KAT14: variants seen among roughly 807,000 people sequenced by gnomAD.
The protein encoded by KAT14 is lysine acetyltransferase 14.
In KAT14, 66 loss-of-function variants were observed where a neutral mutation model predicts 78.4. That is an observed-to-expected ratio of 0.84 (90% CI 0.69 to 1.03). KAT14 has a LOEUF of 1.03. KAT14 is among the 50% of genes least tolerant of loss of function. The pLI is 0.00. For missense variants in KAT14, 870 were observed against 972.5 expected, an observed-to-expected ratio of 0.89 and a Z score of 1.40; for synonymous variants, 344 against 359.4, an observed-to-expected ratio of 0.96 and a Z score of 0.48.
At position 18,181,738 on chromosome 20, in the gene KAT14, G is replaced by A. The variant is rs760576992; in HGVS notation, c.1697G>A (p.Arg566Gln). The A allele has an allele frequency of 5.0e-6, 8 of 1,614,126 alleles. No individual in the cohort carries two copies. The highest frequency in any genetic ancestry group is 2.2e-5 in the South Asian group (2 of 91,076). Reference sequence around the variant, plus strand: ...TCCTTGCCGTCCAGGAAGGGATTTCGACACCAGACCACCAAGTTTTTGTAT... The same window carrying A: ...TCCTTGCCGTCCAGGAAGGGATTTCAACACCAGACCACCAAGTTTTTGTAT... Reference protein sequence around the residue: ...QTSLPSRKGFRHQTTKFLYRL... With the variant: ...QTSLPSRKGFQHQTTKFLYRL... Residue 566 changes from arginine (R) to glutamine (Q), a missense_variant, in exon 8 of 11, where the codon CGA becomes CAA. By Grantham distance (43) the Arg-to-Gln change is conservative (BLOSUM62 1). Transcript: ENST00000688188.
chr20:18,153,246 C>G (rs2038111648), intron 4 of KAT14, among the ~76,000 whole-genome samples: 2 of 152,070 alleles, frequency 1.3e-5, no homozygotes, highest in Non-Finnish European at 2.9e-5. Flanking sequence ...GGAGGGTGAC[C>G]TGCAGGCTGC....
rs767485031 is a variant in KAT14 at position 18,187,433 on chromosome 20, G to T, written c.2320G>T (p.Ala774Ser). 20 of 1,613,940 alleles carry T rather than the reference G, an allele frequency of 1.2e-5. No homozygotes were observed. The highest frequency in any genetic ancestry group is 2.2e-5 in the East Asian group (1 of 44,894). ...YPLESTECKHAFFLRLRR is the reference protein window; with the variant it reads ...YPLESTECKHSFFLRLRR ...ATTGGAGAGTACAGAGTGTAAACAC[G>T]CATTCTTTCTGAGGCTCCGGCGCTG... The change falls in exon 11 of 11, where the codon GCA becomes TCA. Residue 774 changes from alanine (A) to serine (S), a missense_variant. Ala to Ser is a moderately conservative substitution (Grantham distance 99). Coordinates refer to ENST00000688188, the MANE Select transcript of KAT14 (RefSeq NM_001392073.1).
chr20:18,183,992 T>C (rs1383538497), intron 9 of KAT14, among the ~76,000 whole-genome samples: 3 of 152,250 alleles, frequency 2.0e-5, no homozygotes, highest in Non-Finnish European at 4.4e-5. Context: ...TAACTGTGAA[T>C]GTGGTGGCAG....
In KAT14 at chr20:18,142,219, C is replaced by G; in HGVS notation, c.-442C>G. Reference sequence around the variant, plus strand: ...TCTTACGTTTTTAGAGGCTTCGTGACGGAGTTATCAGAGACATTGAGAGGC... The same window carrying G: ...TCTTACGTTTTTAGAGGCTTCGTGAGGGAGTTATCAGAGACATTGAGAGGC... On this transcript the variant is annotated 5_prime_UTR_variant, in exon 2 of 11. Transcript: ENST00000688188. 6.5e-7 allele frequency: 1 copy of G among 1,536,768 alleles called. No homozygotes were observed. Among genetic ancestry groups the G allele is most frequent in the Non-Finnish European group, 8.7e-7 (1 of 1,146,708 alleles).
At chr20:18,176,911 G>A (rs945122031) in intron 7 of KAT14, among the ~76,000 whole-genome samples, 1 of 152,176 alleles carries the variant, frequency 6.6e-6, no homozygotes, top group Non-Finnish European at 1.5e-5. Flanking sequence ...ACCAATGGGA[G>A]GCAGTTGATC....
intron 4 of KAT14, among the ~76,000 whole-genome samples, chr20:18,156,842 C>A (rs1036933892): frequency 6.6e-6 from 1 of 152,180 alleles, no homozygotes; most frequent in South Asian, 2.1e-4. Flanking sequence ...AACTTAATGA[C>A]CTCATGATCA....
rs1156303922 is a variant in KAT14 at position 18,145,084 on chromosome 20, CCCTT to C, written c.260-144_260-141del. 29 of 1,413,466 alleles carry C rather than the reference CCCTT, an allele frequency of 2.1e-5. No homozygotes were observed. In the African/African-American group the frequency reaches 3.2e-4, roughly 16 times the overall value. The allele number at this position is 1,413,466 out of a possible 1,614,324, so 87.6% of individuals were successfully genotyped here. On this transcript the variant is annotated intron_variant, in intron 2 of 10. Transcript: ENST00000688188. The stretch of plus-strand genomic sequence containing the variant: ...TAGAAGAATAGAAATCTTTCTAATT[CCCTT>C]CCTTTTCCCCATTTTGCAATTGTGG...
At chr20:18,186,302 A>G (rs768728411) in intron 10 of KAT14, among the ~76,000 whole-genome samples, 11 of 152,198 alleles carry the variant, frequency 7.2e-5, no homozygotes, top group Non-Finnish European at 1.3e-4. Context: ...AATGATGGCC[A>G]CGGTGAGATC....
Position 18,142,570 on chromosome 20 carries a change from T to C in KAT14, c.-91T>C, listed in dbSNP as rs986562623. On this transcript the variant is annotated 5_prime_UTR_variant, in exon 2 of 11. Coordinates refer to ENST00000688188, the MANE Select transcript of KAT14 (RefSeq NM_001392073.1). ...CAGACACTTTTTGGAAGAGTCTGTC[T>C]GGGTGATCCTGGTAGAAGCCCCATT... 8 of 1,557,428 alleles carry C rather than the reference T, an allele frequency of 5.1e-6. No homozygotes were observed. In the African/African-American group the frequency reaches 9.5e-5, roughly 18 times the overall value.
At chr20:18,167,788 TAAAG>T (rs971353672) in intron 7 of KAT14, among the ~76,000 whole-genome samples, 7 of 152,188 alleles carry the variant, frequency 4.6e-5, no homozygotes, top group African/African-American at 1.4e-4. Flanking sequence ...TTCTGTACCA[TAAAG>T]AAAGTTATAC....
intron 7 of KAT14, among the ~76,000 whole-genome samples, chr20:18,165,231 T>C (rs2038597859): frequency 6.6e-6 from 1 of 152,124 alleles, no homozygotes; most frequent in South Asian, 2.1e-4. Flanking sequence ...AAAAAAATAC[T>C]GAGTAGCAAG....
chr20:18,150,882 G>T lies in KAT14; in HGVS notation c.440G>T (p.Arg147Met). Residue 147 changes from arginine (R) to methionine (M), a missense_variant, in exon 4 of 11, where the codon AGG becomes ATG. Transcript: ENST00000688188. ...GGAAGTGGACGTCAAGGTTATTTCA[G>T]GTGGAAAGAAGATATCTGTGCTTTT... is the stretch of plus-strand genomic sequence containing the variant. Reference protein sequence around the residue: ...LEGSGRQGYFRWKEDICAFIE... With the variant: ...LEGSGRQGYFMWKEDICAFIE... The T allele has an allele frequency of 6.2e-7, 1 of 1,614,098 alleles. No homozygotes were observed. The highest frequency in any genetic ancestry group is 8.5e-7 in the Non-Finnish European group (1 of 1,180,018).
At chr20:18,184,463 CTA>C (rs2039380612) in intron 9 of KAT14, 137 bp from the exon 10 acceptor site, 1 of 783,038 alleles carries the variant, frequency 1.3e-6, no homozygotes, top group South Asian at 2.0e-5. Flanking sequence ...TGTGTGGTCT[CTA>C]TGTTACCTCC....
chr20:18,140,843 A>C (rs1432962034), intron 1 of KAT14, among the ~76,000 whole-genome samples: 2 of 145,972 alleles, frequency 1.4e-5, no homozygotes, highest in African/African-American at 2.5e-5. Context: ...AAAACCAATA[A>C]AACAAAACAA....
intron 4 of KAT14, 81 bp from the exon 5 acceptor site, chr20:18,159,003 A>G (rs2038320786): frequency 2.7e-6 from 4 of 1,464,078 alleles, no homozygotes; most frequent in Middle Eastern, 2.5e-4. Context: ...GTTGCAGGCC[A>G]GGAGTCACAG....
At chr20:18,141,055 T>TGTA (rs2037554414) in intron 1 of KAT14, among the ~76,000 whole-genome samples, 1 of 132,732 alleles carries the variant, frequency 7.5e-6, no homozygotes, top group Admixed American at 7.9e-5. Flanking sequence ...TTATTTTTAT[T>TGTA]TTTGCTAGAG....
chr20:18,140,828 A>AAC (rs1453159193), intron 1 of KAT14, among the ~76,000 whole-genome samples: 2 of 149,614 alleles, frequency 1.3e-5, no homozygotes, highest in Non-Finnish European at 1.5e-5. Flanking sequence ...CAAAAAAAAA[A>AAC]AAAAAAAACC....
At chr20:18,168,527 CA>C (rs936310932) in intron 7 of KAT14, among the ~76,000 whole-genome samples, 277 of 147,824 alleles carry the variant, frequency 1.9e-3, no homozygotes, top group African/African-American at 6.0e-3. Flanking sequence ...GACTCTCTCT[CA>C]AAAAAAAAAA....
intron 7 of KAT14, among the ~76,000 whole-genome samples, chr20:18,176,028 G>A (rs1381595970): frequency 6.7e-6 from 1 of 148,442 alleles, no homozygotes; most frequent in African/African-American, 2.5e-5. Flanking sequence ...AAAAAGCCAG[G>A]TATGGTGGCT....
Sources: allele counts gnomAD v4.1 joint callset (sites outside exome capture counted in the v4.1 genomes callset), GRCh38; gene constraint gnomAD v4.1.1; transcripts MANE v1.5; gene names NCBI Gene and HGNC (gene_info 2026-07-23, HGNC 2026-07-21).